The following PIK3R3 variants were observed in gnomAD, a reference collection of about 807,000 sequenced individuals.
The protein encoded by PIK3R3 is phosphatidylinositol 3-kinase regulatory subunit gamma.
PIK3R3 carries 64 observed loss-of-function variants against 62.9 expected under a neutral mutation model. The observed-to-expected ratio is 1.02, with a 90% CI of 0.83 to 1.25. The LOEUF is 1.25. Ranked by LOEUF, PIK3R3 falls within the 50% of genes most tolerant of loss-of-function variation. PIK3R3 has a pLI of 0.00. For synonymous variants in PIK3R3, 165 were observed against 189.0 expected, an observed-to-expected ratio of 0.87 and a Z score of 1.04; for missense variants, 614 against 561.6, an observed-to-expected ratio of 1.09 and a Z score of -0.94.
chr1:46,090,896 C>T (rs1361545274), intron 1 of PIK3R3, among the ~76,000 whole-genome samples: 1 of 152,178 alleles, frequency 6.6e-6, no homozygotes, highest in African/African-American at 2.4e-5. Context: ...TCAGCAAATA[C>T]TACAAATCAG....
At chr1:46,113,297 ATTTT>A (rs35565437) in intron 1 of PIK3R3, among the ~76,000 whole-genome samples, 6 of 126,900 alleles carry the variant, frequency 4.7e-5, no homozygotes, top group Non-Finnish European at 3.3e-5. Flanking sequence ...CTATCTCTCA[ATTTT>A]TTTTTTTTTT....
intron 1 of PIK3R3, among the ~76,000 whole-genome samples, chr1:46,117,649 A>AGG (rs1446314908): frequency 6.6e-6 from 1 of 152,094 alleles, no homozygotes; most frequent in African/African-American, 2.4e-5. Context: ...CGGGAGGCTG[A>AGG]GGTAAGAGGA....
chr1:46,096,542 T>G (rs1652141413), intron 1 of PIK3R3, among the ~76,000 whole-genome samples: 1 of 152,252 alleles, frequency 6.6e-6, no homozygotes, highest in Non-Finnish European at 1.5e-5. Flanking sequence ...ACAAAGTATT[T>G]CTGTGTGTTC....
At chr1:46,124,305 A>G (rs1296577407) in intron 1 of PIK3R3, among the ~76,000 whole-genome samples, 3 of 152,198 alleles carry the variant, frequency 2.0e-5, no homozygotes, top group Non-Finnish European at 4.4e-5. Flanking sequence ...GATAAGAAGC[A>G]AAGCTAGTTT....
chr1:46,118,112 A>G (rs1219784126), intron 1 of PIK3R3, among the ~76,000 whole-genome samples: 1 of 152,204 alleles, frequency 6.6e-6, no homozygotes, highest in Non-Finnish European at 1.5e-5. Context: ...AAATACATCA[A>G]AATATATATA....
chr1:46,126,315 A>G (rs1655091265), intron 1 of PIK3R3, among the ~76,000 whole-genome samples: 1 of 151,384 alleles, frequency 6.6e-6, no homozygotes, highest in Admixed American at 6.6e-5. Flanking sequence ...ACTCGGGTGG[A>G]TCATTTGAGG....
the PIK3R3 span, among the ~76,000 whole-genome samples, chr1:46,173,618 T>G: frequency 6.6e-6 from 1 of 152,104 alleles, no homozygotes; most frequent in Admixed American, 6.5e-5. Context: ...GGGAGCCACC[T>G]AAACTGAGGT....
chr1:46,064,609 T>C (rs1648826602), intron 5 of PIK3R3, among the ~76,000 whole-genome samples: 1 of 152,140 alleles, frequency 6.6e-6, no homozygotes, highest in African/African-American at 2.4e-5. Context: ...TTAATGAATA[T>C]ATTTACTAAC....
chr1:46,125,540 T>C (rs1655017817), intron 1 of PIK3R3, among the ~76,000 whole-genome samples: 1 of 152,200 alleles, frequency 6.6e-6, no homozygotes, highest in South Asian at 2.1e-4. Context: ...GCAGATATTT[T>C]CCCCAACCAT....
rs141916732 is a variant in PIK3R3 at position 46,089,491 on chromosome 1, G to A, written c.107-8741C>T. On this transcript the variant is annotated intron_variant, in intron 1 of 9. Coordinates refer to ENST00000262741, the MANE Select transcript of PIK3R3 (RefSeq NM_003629.4). The stretch of plus-strand genomic sequence containing the variant: ...AGCACTTTGGGAGGCCAAGGTGGGC[G>A]GATCACGAGGTCAGGAGATCAAGAC... Among the ~76,000 whole-genome samples, 815 of 152,162 alleles carry A rather than the reference G, an allele frequency of 5.4e-3. 6 individuals are homozygous for A. Among genetic ancestry groups the A allele is most frequent in the Non-Finnish European group, 8.4e-3 (570 of 68,014 alleles).
chr1:46,114,771 A>AT (rs60059325), intron 1 of PIK3R3, among the ~76,000 whole-genome samples: 41,636 of 99,176 alleles, frequency 0.42, 9,336 homozygotes, highest in East Asian at 0.58. Flanking sequence ...AGCCTCACTA[A>AT]TTTTTTTTTT....
the PIK3R3 span, among the ~76,000 whole-genome samples, chr1:46,168,731 G>C: frequency 2.6e-5 from 4 of 152,296 alleles, no homozygotes; most frequent in Non-Finnish European, 5.9e-5. Context: ...TGCTATCCCA[G>C]CTGGAAAGTC....
chr1:46,041,775 G>A lies in PIK3R3; in HGVS notation c.*1898C>T. On this transcript the variant is annotated 3_prime_UTR_variant, in exon 10 of 10. Transcript: ENST00000262741. Reference sequence around the variant, plus strand: ...TATTAGTTAAATGACTTTAGAGGGGGGTTCATTTGTCTCTGTCTCACCCAA... The same window carrying A: ...TATTAGTTAAATGACTTTAGAGGGGAGTTCATTTGTCTCTGTCTCACCCAA... The A allele has an allele frequency of 4.8e-6, 1 of 206,610 alleles. No homozygotes were observed. The highest frequency in any genetic ancestry group is 9.9e-6 in the Non-Finnish European group (1 of 100,980). 12.8% of individuals were successfully genotyped at this position (206,610 alleles called of 1,614,324 possible).
At chr1:46,095,679 CAATTAGAAGGGAACAATT>C (rs1652055549) in intron 1 of PIK3R3, among the ~76,000 whole-genome samples, 1 of 152,162 alleles carries the variant, frequency 6.6e-6, no homozygotes, top group Non-Finnish European at 1.5e-5. Flanking sequence ...AGGAAAAAAA[CAATTAGAAGGGAACAATT>C]AATTAAAAGT....
intron 1 of PIK3R3, among the ~76,000 whole-genome samples, chr1:46,131,073 C>T (rs1049491180): frequency 6.8e-6 from 1 of 146,180 alleles, no homozygotes; most frequent in East Asian, 1.9e-4. Flanking sequence ...ATATATCACA[C>T]GTTCACAGGA....
At chr1:46,121,978 G>A (rs1363058087) in intron 1 of PIK3R3, among the ~76,000 whole-genome samples, 1 of 152,018 alleles carries the variant, frequency 6.6e-6, no homozygotes. Flanking sequence ...GTGCATGCCT[G>A]TAGCCCCAGA....
In PIK3R3 at chr1:46,090,176, TA is replaced by T. The variant is rs1211741019; in HGVS notation, c.107-9427del. Among the ~76,000 whole-genome samples the T allele has an allele frequency of 2.0e-5, 3 of 152,304 alleles. No individual in the cohort carries two copies. In the East Asian group the frequency reaches 5.8e-4, roughly 29 times the overall value. On this transcript the variant is annotated intron_variant, in intron 1 of 9. Transcript: ENST00000262741. ...TAGAGTTTATTCTGATTCCACCACT[TA>T]AACTAGATTTGGTAAATTATCTCAC...
rs35534130 is a variant in PIK3R3 at position 46,110,870 on chromosome 1, G to GTT, written c.106+20975_106+20976dup. On this transcript the variant is annotated intron_variant, in intron 1 of 9. Transcript: ENST00000262741. ...GTCAGCCTGGGAACAGAAAAAGTTG[G>GTT]TTTTTTTTTTTTAATTTTCCCATAG... Among the ~76,000 whole-genome samples the GTT allele has an allele frequency of 4.3e-4, 63 of 146,968 alleles. 1 individual carries two copies. The highest frequency in any genetic ancestry group is 1.7e-3 in the South Asian group (8 of 4,612).
chr1:46,134,059 T>C (rs1655836972), upstream of PIK3R3, among the ~76,000 whole-genome samples: 1 of 152,222 alleles, frequency 6.6e-6, no homozygotes, highest in Non-Finnish European at 1.5e-5. Flanking sequence ...AAAGCAGATT[T>C]GTGTCTCCTG....
Sources: allele counts gnomAD v4.1 joint callset (sites outside exome capture counted in the v4.1 genomes callset), GRCh38; gene constraint gnomAD v4.1.1; transcripts MANE v1.5; gene names NCBI Gene and HGNC (gene_info 2026-07-23, HGNC 2026-07-21).